Variants in HNRNPA2B1 observed in about 807,000 individuals in gnomAD.
The protein encoded by HNRNPA2B1 is heterogeneous nuclear ribonucleoproteins A2/B1.
In HNRNPA2B1, 3 loss-of-function variants were observed where a neutral mutation model predicts 46.3. The ratio of observed to expected loss-of-function variants is 0.06; its 90% confidence interval spans 0.03 to 0.17. HNRNPA2B1 has a LOEUF of 0.17. HNRNPA2B1 is among the 10% of genes least tolerant of loss of function. HNRNPA2B1 has a pLI of 1.00. For missense variants in HNRNPA2B1, 221 were observed against 418.9 expected, an observed-to-expected ratio of 0.53 and a Z score of 4.12; for synonymous variants, 225 against 133.8, an observed-to-expected ratio of 1.68 and a Z score of -4.70.
At chr7:26,196,357 T>G in intron 6 of HNRNPA2B1, 44 bp downstream of exon 6, 1 of 1,470,252 alleles carries the variant, frequency 6.8e-7, no homozygotes, top group Non-Finnish European at 9.4e-7. Context: ...ATATTTAAAA[T>G]AAAAGCACAC....
intron 7 of HNRNPA2B1, among the ~76,000 whole-genome samples, chr7:26,194,846 G>A (rs946827975): frequency 6.6e-6 from 1 of 150,984 alleles, no homozygotes; most frequent in Non-Finnish European, 1.5e-5. Context: ...TGTAACCCCA[G>A]CGTTTTTGGG....
rs1048152036 is a variant in HNRNPA2B1 at position 26,190,071 on chromosome 7, A to C, written c.*2289T>G. 9 of 152,640 alleles carry C rather than the reference A, an allele frequency of 5.9e-5. No homozygotes were observed. Among genetic ancestry groups the C allele is most frequent in the African/African-American group, 1.9e-4 (8 of 41,474 alleles). 9.5% of individuals were successfully genotyped at this position (152,640 alleles called of 1,614,324 possible). ...GGGGATGGTGATCTTTTAGACAACCAAATATTTATAGAACAAGATTCACAC... is the reference window on the plus strand; with the variant it reads ...GGGGATGGTGATCTTTTAGACAACCCAATATTTATAGAACAAGATTCACAC... On this transcript the variant is annotated 3_prime_UTR_variant, in exon 11 of 11. Transcript: ENST00000618183.
chr7:26,195,660 ACT>A (rs1783498139), intron 7 of HNRNPA2B1, 185 bp downstream of exon 7: 7 of 575,626 alleles, frequency 1.2e-5, no homozygotes, highest in Middle Eastern at 3.7e-4. Context: ...TTAAAATGGC[ACT>A]CTATTCCTTA....
At chr7:26,193,488 T>G (rs1345292869) in intron 8 of HNRNPA2B1, 87 bp downstream of exon 8, 2 of 1,532,422 alleles carry the variant, frequency 1.3e-6, no homozygotes, top group East Asian at 4.5e-5. Flanking sequence ...TATGGGCATC[T>G]AGTGACAAAC....
At chr7:26,198,583 A>C (rs1783951850) in intron 1 of HNRNPA2B1, 1 of 152,290 alleles carries the variant, frequency 6.6e-6, no homozygotes, top group Admixed American at 6.5e-5. Context: ...TTGATTGGCC[A>C]TGTGGCAAGC....
intron 1 of HNRNPA2B1, 172 bp downstream of exon 1, chr7:26,200,400 T>G: frequency 1.4e-6 from 1 of 718,668 alleles, no homozygotes; most frequent in Non-Finnish European, 2.5e-6. Context: ...GGAAGCTGTT[T>G]GTACGCTCAG....
intron 1 of HNRNPA2B1, chr7:26,199,854 G>C (rs1245707968): frequency 6.6e-6 from 1 of 152,002 alleles, no homozygotes; most frequent in Non-Finnish European, 1.5e-5. Context: ...CTCTGAAACC[G>C]GGCCCGCAAA....
intron 3 of HNRNPA2B1, 88 bp downstream of exon 3, chr7:26,197,227 A>T: frequency 7.0e-7 from 1 of 1,435,650 alleles, no homozygotes; most frequent in Non-Finnish European, 9.4e-7. Context: ...AAAAATCTTG[A>T]GTTAAAACTA....
At chr7:26,199,921 T>C (rs902420411) in intron 1 of HNRNPA2B1, 1 of 151,950 alleles carries the variant, frequency 6.6e-6, no homozygotes, top group African/African-American at 2.4e-5. Flanking sequence ...AATGGCGCCA[T>C]TTCATCGAGG....
chr7:26,193,743 T>C (rs1414658681), intron 7 of HNRNPA2B1, 49 bp from the exon 8 acceptor site: 7 of 1,476,674 alleles, frequency 4.7e-6, no homozygotes, highest in Non-Finnish European at 6.6e-6. Context: ...TTCAATACCA[T>C]TTTGAACTGT....
Position 26,197,501 on chromosome 7 carries a change from T to C in HNRNPA2B1, c.118-40A>G, listed in dbSNP as rs1416936928. 3.7e-6 allele frequency: 6 copies of C among 1,602,652 alleles called. No individual in the cohort carries two copies. In the South Asian group the frequency reaches 6.6e-5, roughly 18 times the overall value. Reference sequence around the variant, plus strand: ...GGTAAACTTTAGCATTTAATCTCATTATAGCTTATAAGTGAAGTCATAATA... The same window carrying C: ...GGTAAACTTTAGCATTTAATCTCATCATAGCTTATAAGTGAAGTCATAATA... On this transcript the variant is annotated intron_variant, in intron 2 of 10. Transcript: ENST00000618183.
chr7:26,194,465 G>A (rs1441339322), intron 7 of HNRNPA2B1, among the ~76,000 whole-genome samples: 1 of 152,016 alleles, frequency 6.6e-6, no homozygotes, highest in Non-Finnish European at 1.5e-5. Flanking sequence ...ACGGGAAGTT[G>A]AGGCGGGTGG....
intron 9 of HNRNPA2B1, 40 bp downstream of exon 9, chr7:26,193,211 A>T: frequency 1.3e-6 from 2 of 1,590,800 alleles, no homozygotes; most frequent in South Asian, 1.1e-5. Context: ...CTAATCCTTT[A>T]ATCACAAAAA....
At chr7:26,200,261 T>C (rs189796414) in intron 1 of HNRNPA2B1, 339 of 384,412 alleles carry the variant, frequency 8.8e-4, no homozygotes, top group Non-Finnish European at 1.1e-3. Flanking sequence ...AGCAGCGTGC[T>C]TTAGAAAGGG....
At chr7:26,199,602 A>C (rs147791694) in intron 1 of HNRNPA2B1, 128 of 152,332 alleles carry the variant, frequency 8.4e-4, no homozygotes, top group Middle Eastern at 6.8e-3. Context: ...CCTTAAGAAC[A>C]GTAAAGGATT....
At chr7:26,192,602 AAAAC>A in intron 9 of HNRNPA2B1, 25 bp from the exon 10 acceptor site, 7 of 1,595,702 alleles carry the variant, frequency 4.4e-6, no homozygotes, top group Non-Finnish European at 6.0e-6. Context: ...ACAGCAAGAG[AAAAC>A]AAACTTACTT....
At chr7:26,199,264 CAAAGA>C (rs981741314) in intron 1 of HNRNPA2B1, 1 of 152,564 alleles carries the variant, frequency 6.6e-6, no homozygotes, top group Non-Finnish European at 1.5e-5. Flanking sequence ...TGCTTAGGGT[CAAAGA>C]AAATAACCAG....
At chr7:26,196,174 G>C (rs1176637101) in intron 6 of HNRNPA2B1, among the ~76,000 whole-genome samples, 1 of 152,108 alleles carries the variant, frequency 6.6e-6, no homozygotes, top group African/African-American at 2.4e-5. Context: ...AAGCTTTTCG[G>C]ATGACACTTC....
In HNRNPA2B1 at chr7:26,196,101, A is replaced by G. The variant is rs920478763; in HGVS notation, c.659-192T>C. Among the ~76,000 whole-genome samples, 4 of 151,830 alleles carry G rather than the reference A, an allele frequency of 2.6e-5. No homozygotes were observed. In the East Asian group the frequency reaches 7.7e-4, roughly 29 times the overall value. ...CTACCGCCTAAATTTTGGACTCTTA[A>G]CAAGTCTCAATCTTAGAGATTCCAT... On this transcript the variant is annotated intron_variant, in intron 6 of 10. Coordinates refer to ENST00000618183, the MANE Select transcript of HNRNPA2B1 (RefSeq NM_002137.4).
Sources: allele counts gnomAD v4.1 joint callset (sites outside exome capture counted in the v4.1 genomes callset), GRCh38; gene constraint gnomAD v4.1.1; transcripts MANE v1.5; gene names NCBI Gene and HGNC (gene_info 2026-07-23, HGNC 2026-07-21).